MED13: variants seen among roughly 807,000 people sequenced by gnomAD.
MED13 encodes mediator complex subunit 13.
Under a neutral mutation model 225.2 loss-of-function variants are expected in MED13, and 23 were observed. That is an observed-to-expected ratio of 0.10 (90% CI 0.07 to 0.14). The LOEUF (loss-of-function observed/expected upper bound fraction) is 0.14. MED13 is among the 10% of genes least tolerant of loss of function. The probability of loss-of-function intolerance (pLI) is 1.00; values close to 1 mark genes in which losing one functional copy is unlikely to be tolerated. For synonymous variants in MED13, 942 were observed against 889.2 expected, an observed-to-expected ratio of 1.06 and a Z score of -1.06; for missense variants, 2,197 against 2,594.5, an observed-to-expected ratio of 0.85 and a Z score of 3.33.
At chr17:62,014,419 C>T (rs566538117) in intron 8 of MED13, among the ~76,000 whole-genome samples, 9 of 152,000 alleles carry the variant, frequency 5.9e-5, no homozygotes, top group Middle Eastern at 3.4e-3. Flanking sequence ...TGCGTTCAAG[C>T]GATTCTCCCA....
At chr17:62,040,321 G>A (rs1261813338) in intron 3 of MED13, among the ~76,000 whole-genome samples, 1 of 152,098 alleles carries the variant, frequency 6.6e-6, no homozygotes, top group East Asian at 1.9e-4. Context: ...TGCTCTCCAT[G>A]AGCTCACACT....
chr17:62,015,773 C>T (rs1388500570), intron 8 of MED13, among the ~76,000 whole-genome samples: 1 of 140,484 alleles, frequency 7.1e-6, no homozygotes, highest in Admixed American at 7.4e-5. Context: ...GATATACACA[C>T]ACTATATATA....
intron 9 of MED13, chr17:62,004,897 CT>C (rs551492644): frequency 0.024 from 3,032 of 128,442 alleles, 23 homozygotes; most frequent in African/African-American, 0.049. Flanking sequence ...ACATCATTTA[CT>C]TTTTTTTTTT....
At chr17:62,056,929 A>T (rs1377136361) in intron 2 of MED13, among the ~76,000 whole-genome samples, 1 of 152,198 alleles carries the variant, frequency 6.6e-6, no homozygotes, top group Non-Finnish European at 1.5e-5. Flanking sequence ...ACAAATGCTA[A>T]ATTTGATTAC....
chr17:61,951,529 A>G (rs1603390138), intron 27 of MED13, among the ~76,000 whole-genome samples: 2 of 152,326 alleles, frequency 1.3e-5, no homozygotes, highest in South Asian at 4.1e-4. Flanking sequence ...TAAAATAAAA[A>G]TAATATGCAT....
intron 23 of MED13, among the ~76,000 whole-genome samples, chr17:61,959,247 T>A (rs1245513175): frequency 6.6e-6 from 1 of 152,158 alleles, no homozygotes; most frequent in African/African-American, 2.4e-5. Context: ...ACTCCTGACC[T>A]CAGGTGATCC....
chr17:62,062,194 T>C (rs569558011), intron 2 of MED13, among the ~76,000 whole-genome samples: 85 of 152,334 alleles, frequency 5.6e-4, no homozygotes, highest in African/African-American at 2.0e-3. Context: ...TATCAAACTA[T>C]CTTACTGAAG....
rs1413436641 is a variant in MED13, at chr17:61,966,646, A to G, written c.4197T>C (p.Cys1399=). 2 of 1,596,262 alleles carry G rather than the reference A, an allele frequency of 1.3e-6. No homozygotes were observed. ...FRDLTAIYES[C]RLGQHRPVSR... Reference sequence around the variant, plus strand: ...AAACAGGTCTATGTTGACCTAATCGACAGGACTACAAATATACATACAGAA... The same window carrying G: ...AAACAGGTCTATGTTGACCTAATCGGCAGGACTACAAATATACATACAGAA... Residue 1399 remains cysteine, a synonymous_variant, in exon 19 of 30, where the codon TGT becomes TGC. Transcript: ENST00000397786.
intron 2 of MED13, among the ~76,000 whole-genome samples, chr17:62,056,604 T>A (rs1484384889): frequency 6.2e-5 from 4 of 64,778 alleles, no homozygotes; most frequent in Admixed American, 1.3e-4. Context: ...TCCAAAAAAC[T>A]TTTTTTAGTT....
Position 61,944,921 on chromosome 17 carries a change from A to C in MED13, c.*1547T>G, listed in dbSNP as rs2079841008. ...GGGTACAGCCTGCATAAAAGCAGTT[A>C]TCTTGGCATGTGCAAACAAGAAGGG... is the stretch of plus-strand genomic sequence containing the variant. On this transcript the variant is annotated 3_prime_UTR_variant, in exon 30 of 30. Coordinates refer to ENST00000397786, the MANE Select transcript of MED13 (RefSeq NM_005121.3). The C allele has an allele frequency of 2.0e-5, 3 of 152,634 alleles. No individual in the cohort carries two copies. The highest frequency in any genetic ancestry group is 2.0e-4 in the Admixed American group (3 of 15,270). 9.5% of individuals were successfully genotyped at this position (152,634 alleles called of 1,614,324 possible). A position where few individuals can be genotyped will look rare whatever the true frequency, so the allele number is the denominator to read the frequency against.
At chr17:61,959,709 A>C (rs1422951681) in intron 23 of MED13, among the ~76,000 whole-genome samples, 1 of 151,304 alleles carries the variant, frequency 6.6e-6, no homozygotes, top group Admixed American at 6.6e-5. Flanking sequence ...GAAGAAAATA[A>C]ACGATAGAAC....
chr17:61,948,790 G>C (rs2079871509), intron 28 of MED13, among the ~76,000 whole-genome samples: 1 of 151,124 alleles, frequency 6.6e-6, no homozygotes, highest in African/African-American at 2.4e-5. Context: ...TTTTACATAA[G>C]AATAAGTGAG....
At chr17:61,953,499 AAGG>A (rs1423775693) in intron 26 of MED13, among the ~76,000 whole-genome samples, 5 of 152,168 alleles carry the variant, frequency 3.3e-5, no homozygotes, top group Non-Finnish European at 7.4e-5. Context: ...AGAGCCAGTG[AAGG>A]AGATGTGATG....
rs1269885352 is a variant in MED13 at position 61,943,779 on chromosome 17, A to G, written c.*2689T>C. On this transcript the variant is annotated 3_prime_UTR_variant, in exon 30 of 30. Coordinates refer to ENST00000397786, the MANE Select transcript of MED13 (RefSeq NM_005121.3). ...CTCACTGGCTGGAAGCAGACATTAT[A>G]TAACTAATCTTTTTAAATGACAAAA... 1.3e-5 allele frequency: 2 copies of G among 152,602 alleles called. No homozygotes were observed. The highest frequency in any genetic ancestry group is 4.8e-5 in the African/African-American group (2 of 41,454). The allele number at this position is 152,602 out of a possible 1,614,324, so 9.5% of individuals were successfully genotyped here. A position where few individuals can be genotyped will look rare whatever the true frequency, so the allele number is the denominator to read the frequency against.
chr17:62,027,149 C>A (rs775951165), intron 8 of MED13, among the ~76,000 whole-genome samples: 2 of 152,126 alleles, frequency 1.3e-5, no homozygotes, highest in Non-Finnish European at 2.9e-5. Context: ...GCAAAAAGAA[C>A]AATGCTGGAG....
Position 61,965,227 on chromosome 17 carries a change from T to A in MED13, c.4623A>T (p.Ser1541=), listed in dbSNP as rs758095515. The A allele has an allele frequency of 1.2e-6, 2 of 1,614,156 alleles. No homozygotes were observed. Among genetic ancestry groups the A allele is most frequent in the East Asian group, 2.2e-5 (1 of 44,884 alleles). The change falls in exon 20 of 30, where the codon TCA becomes TCT. Residue 1541 remains serine, a synonymous_variant. Transcript: ENST00000397786. Reference sequence around the variant, plus strand: ...CTCCACTATTCAAGTTGGAGGATGATGAAGATGAAGTTGAAGCTGTGGTCA... The same window carrying A: ...CTCCACTATTCAAGTTGGAGGATGAAGAAGATGAAGTTGAAGCTGTGGTCA... The part of the protein sequence containing the change: ...STLTTASTSS[S]SSSNLNSGVS...
intron 3 of MED13, among the ~76,000 whole-genome samples, chr17:62,038,817 C>T (rs1428120505): frequency 1.3e-5 from 2 of 150,246 alleles, no homozygotes; most frequent in African/African-American, 5.0e-5. Context: ...GTGTGCGCTA[C>T]CACACCCAGC....
intron 9 of MED13, among the ~76,000 whole-genome samples, chr17:61,999,733 T>C (rs2080377625): frequency 6.6e-6 from 1 of 152,092 alleles, no homozygotes; most frequent in Non-Finnish European, 1.5e-5. Flanking sequence ...ACTAGTTAGG[T>C]AGCCATCACC....
intron 9 of MED13, chr17:62,006,485 C>G (rs1289895974): frequency 6.6e-6 from 1 of 152,118 alleles, no homozygotes; most frequent in African/African-American, 2.4e-5. Flanking sequence ...AAAAATTCCC[C>G]ATCCAGTTAT....
Sources: gnomAD v4.1 joint callset for allele counts (sites outside exome capture counted in the v4.1 genomes callset) on GRCh38, gnomAD v4.1.1 for gene constraint, MANE v1.5 for transcripts, NCBI Gene and HGNC (gene_info 2026-07-23, HGNC 2026-07-21) for gene names.